Variants in WDR25 observed in about 807,000 individuals in gnomAD.
WDR25 encodes WD repeat domain 25, also known as WD repeat-containing protein 25.
In WDR25, 35 loss-of-function variants were observed where a neutral mutation model predicts 47.7. The observed-to-expected ratio is 0.73, with a 90% CI of 0.56 to 0.97. WDR25 has a LOEUF of 0.97. WDR25 is among the 50% of genes least tolerant of loss of function. The pLI is 0.00. For synonymous variants in WDR25, 248 were observed against 278.9 expected (o/e 0.89, Z 1.10); for missense variants, 634 against 704.7 (o/e 0.90, Z 1.14).
intron 2 of WDR25, among the ~76,000 whole-genome samples, chr14:100,421,030 G>A (rs1898011472): frequency 6.6e-6 from 1 of 152,108 alleles, no homozygotes; most frequent in Non-Finnish European, 1.5e-5. Context: ...CTGCATTTGG[G>A]TCATTATAAG....
intron 2 of WDR25, among the ~76,000 whole-genome samples, chr14:100,416,407 C>A (rs1897870269): frequency 6.6e-6 from 1 of 152,170 alleles, no homozygotes; most frequent in South Asian, 2.1e-4. Flanking sequence ...CAGGTTGCAG[C>A]CCAAACAGTA....
At chr14:100,482,854 G>T (rs1240021618) in intron 3 of WDR25, among the ~76,000 whole-genome samples, 1 of 152,204 alleles carries the variant, frequency 6.6e-6, no homozygotes, top group African/African-American at 2.4e-5. Context: ...GTAGCCCACT[G>T]CTCAGTCCCA....
intron 2 of WDR25, among the ~76,000 whole-genome samples, chr14:100,403,420 G>T (rs1161562942): frequency 6.6e-6 from 1 of 152,210 alleles, no homozygotes; most frequent in Non-Finnish European, 1.5e-5. Context: ...GGATCGTTGG[G>T]ACTCCTGGGA....
At chr14:100,520,032 A>T (rs1901662167) in intron 4 of WDR25, among the ~76,000 whole-genome samples, 1 of 145,024 alleles carries the variant, frequency 6.9e-6, no homozygotes, top group South Asian at 2.1e-4. Context: ...CACATTGATC[A>T]TTTGGGCGTG....
intron 5 of WDR25, 85 bp from the exon 6 acceptor site, chr14:100,528,983 G>C (rs1040638381): frequency 2.9e-5 from 42 of 1,462,610 alleles, no homozygotes; most frequent in Non-Finnish European, 3.7e-5. Flanking sequence ...CCCAGCTAGG[G>C]TCTGGGAGCA....
intron 2 of WDR25, among the ~76,000 whole-genome samples, chr14:100,441,340 A>C (rs972045226): frequency 3.3e-5 from 5 of 152,094 alleles, no homozygotes; most frequent in Admixed American, 2.6e-4. Flanking sequence ...AGAACTGAGC[A>C]TTGTAGGGGA....
rs1333126413 is a variant in WDR25, at chr14:100,468,173, G to A, written c.970+5G>A. ...ACCTAACAGACCTTGAAACAGGTGC[G>A]TTTCTTGTGTCACCTCCCTGAGGTG... On this transcript the variant is annotated splice_donor_5th_base_variant and intron_variant, in intron 3 of 6. Coordinates refer to ENST00000402312, the MANE Select transcript of WDR25 (RefSeq NM_001161476.3). This position sits in a 1 kb window ranked among gnomAD's most constrained non-coding sequence, Gnocchi z 4.5. 4.3e-6 allele frequency: 7 copies of A among 1,609,412 alleles called. No homozygotes were observed. The highest frequency in any genetic ancestry group is 5.1e-6 in the Non-Finnish European group (6 of 1,177,950).
intron 2 of WDR25, among the ~76,000 whole-genome samples, chr14:100,454,276 C>T (rs1271016617): frequency 1.1e-4 from 17 of 152,066 alleles, no homozygotes. Context: ...ACTCTGATCC[C>T]CTCACTCTCC....
At chr14:100,454,516 A>G in intron 2 of WDR25, 8 of 1,124,522 alleles carry the variant, frequency 7.1e-6, no homozygotes, top group Non-Finnish European at 9.5e-6. Flanking sequence ...TATAAACTGT[A>G]CAACAGCAAC....
chr14:100,443,834 C>T (rs1212629077), intron 2 of WDR25, among the ~76,000 whole-genome samples: 1 of 152,224 alleles, frequency 6.6e-6, no homozygotes, highest in Non-Finnish European at 1.5e-5. Flanking sequence ...GTGATTGGAG[C>T]ATGAGTAATA....
In WDR25 at chr14:100,430,682, C is replaced by T. The variant is rs866849654; in HGVS notation, c.823-37339C>T. Among the ~76,000 whole-genome samples the T allele has an allele frequency of 6.6e-6, 1 of 152,154 alleles. No individual in the cohort carries two copies. ...GAACCAGCGGCTGTTATAGGTGACC[C>T]AGTGAGGGAGGCTGCATCTCGATAG... On this transcript the variant is annotated intron_variant, in intron 2 of 6. Transcript: ENST00000402312. This position sits in a 1 kb window ranked among gnomAD's most constrained non-coding sequence, Gnocchi z 4.7.
chr14:100,525,072 C>T lies in WDR25; in HGVS notation c.1102-798C>T, dbSNP rs771952557. ...GGGACCGGCCGGCCCCTGCGACCAACTTGAGACCTTGCTGCGCTTCCATGG... is the reference window on the plus strand; with the variant it reads ...GGGACCGGCCGGCCCCTGCGACCAATTTGAGACCTTGCTGCGCTTCCATGG... On this transcript the variant is annotated intron_variant, in intron 4 of 6. Coordinates refer to ENST00000402312, the MANE Select transcript of WDR25 (RefSeq NM_001161476.3). The surrounding 1 kb of genome is among the most constrained non-coding windows in gnomAD (Gnocchi z 4.6). 1.8e-4 allele frequency among the ~76,000 whole-genome samples: 27 copies of T among 152,182 alleles called. No individual in the cohort carries two copies. The highest frequency in any genetic ancestry group is 1.5e-5 in the Non-Finnish European group (1 of 68,036).
intron 2 of WDR25, among the ~76,000 whole-genome samples, chr14:100,438,337 C>T (rs543364579): frequency 6.6e-6 from 1 of 152,314 alleles, no homozygotes; most frequent in South Asian, 2.1e-4. Flanking sequence ...TAGGCATTGC[C>T]AGGAATTCAG....
At chr14:100,512,989 G>T (rs1901358612) in intron 4 of WDR25, among the ~76,000 whole-genome samples, 1 of 151,972 alleles carries the variant, frequency 6.6e-6, no homozygotes, top group African/African-American at 2.4e-5. Flanking sequence ...AGATTTTTTT[G>T]ATGTTTTAAA....
chr14:100,518,163 C>T (rs1010159788), intron 4 of WDR25, among the ~76,000 whole-genome samples: 7 of 152,160 alleles, frequency 4.6e-5, no homozygotes, highest in Non-Finnish European at 8.8e-5. Flanking sequence ...TTAGATAGAT[C>T]AGGTCTGTTC....
chr14:100,421,738 T>C (rs1898032699), intron 2 of WDR25, among the ~76,000 whole-genome samples: 1 of 152,244 alleles, frequency 6.6e-6, no homozygotes, highest in Non-Finnish European at 1.5e-5. Flanking sequence ...GTTTCCTGCA[T>C]ATGTTATGAA....
chr14:100,467,941 C>T, intron 2 of WDR25, 80 bp from the exon 3 acceptor site: 9 of 1,556,494 alleles, frequency 5.8e-6, no homozygotes, highest in Admixed American at 5.5e-5. Context: ...AGACCTTTTT[C>T]TTTCTACAGT....
chr14:100,421,560 C>A (rs1435492030), intron 2 of WDR25, among the ~76,000 whole-genome samples: 2 of 152,172 alleles, frequency 1.3e-5, no homozygotes, highest in Non-Finnish European at 2.9e-5. Flanking sequence ...AAATAAACTT[C>A]CATAGATGCA....
chr14:100,494,483 C>T (rs1595145310), intron 4 of WDR25, among the ~76,000 whole-genome samples: 1 of 152,188 alleles, frequency 6.6e-6, no homozygotes, highest in African/African-American at 2.4e-5. Flanking sequence ...TTATGCCTTA[C>T]AATTCTTTCT....
Sources: allele counts gnomAD v4.1 joint callset (sites outside exome capture counted in the v4.1 genomes callset), GRCh38; gene constraint gnomAD v4.1.1; non-coding constraint Gnocchi (gnomAD v3.1); transcripts MANE v1.5; gene names NCBI Gene and HGNC (gene_info 2026-07-23, HGNC 2026-07-21).